Variants in FBXL5 observed in about 807,000 individuals in gnomAD.
FBXL5 encodes the protein F-box/LRR-repeat protein 5.
Under a neutral mutation model 78.3 loss-of-function variants are expected in FBXL5, and 26 were observed. The ratio of observed to expected loss-of-function variants is 0.33; its 90% CI spans 0.24 to 0.46. The LOEUF (loss-of-function observed/expected upper bound fraction) is 0.46, where lower values mean the gene tolerates loss of function less well. FBXL5 is among the 20% of genes least tolerant of loss of function. The probability of loss-of-function intolerance (pLI) is 1.00; values close to 1 mark genes in which losing one functional copy is unlikely to be tolerated. For synonymous variants in FBXL5, 295 were observed against 282.5 expected, an observed-to-expected ratio of 1.04 and a Z score of -0.45; for missense variants, 710 against 829.2, an observed-to-expected ratio of 0.86 and a Z score of 1.77.
chr4:15,629,913 ATG>A, intron 6 of FBXL5, among the ~76,000 whole-genome samples: 1 of 152,274 alleles, frequency 6.6e-6, no homozygotes, highest in Non-Finnish European at 1.5e-5. Flanking sequence ...AACTAGAAGA[ATG>A]TCTCATCTGT....
intron 8 of FBXL5, 53 bp downstream of exon 8, chr4:15,626,819 TG>T: frequency 7.8e-7 from 1 of 1,287,938 alleles, no homozygotes; most frequent in Non-Finnish European, 1.1e-6. Flanking sequence ...ATTACATAAA[TG>T]AAACCTTATA....
rs544052873 is a variant in FBXL5, at chr4:15,634,185, A to AT, written c.766+2308dup. ...AATAAATAAAAACCGATTTCTATTG[A>AT]TTTTTTTTTTCTTTTTAAGACAGAG... On this transcript the variant is annotated intron_variant, in intron 5 of 10. Coordinates refer to ENST00000341285, the MANE Select transcript of FBXL5 (RefSeq NM_012161.4). Among the ~76,000 whole-genome samples the AT allele has an allele frequency of 3.0e-3, 446 of 150,358 alleles. 2 individuals are homozygous for AT. Among genetic ancestry groups the AT allele is most frequent in the Non-Finnish European group, 4.7e-3 (320 of 67,392 alleles).
At chr4:15,650,314 G>C (rs924171365) in intron 1 of FBXL5, among the ~76,000 whole-genome samples, 1 of 152,172 alleles carries the variant, frequency 6.6e-6, no homozygotes, top group African/African-American at 2.4e-5. Flanking sequence ...ATGAAATATA[G>C]TGCAATCCAG....
At chr4:15,680,654 C>A (rs1188688445) in intron 1 of FBXL5, among the ~76,000 whole-genome samples, 2 of 151,132 alleles carry the variant, frequency 1.3e-5, no homozygotes, top group Non-Finnish European at 2.9e-5. Context: ...CCAGCCTGGG[C>A]GAGAGAGTGA....
At chr4:15,665,868 G>A (rs1362656210) in intron 1 of FBXL5, among the ~76,000 whole-genome samples, 1 of 152,120 alleles carries the variant, frequency 6.6e-6, no homozygotes, top group Non-Finnish European at 1.5e-5. Context: ...ACCTGCACCT[G>A]TTCTGACACC....
At chr4:15,670,985 G>A (rs1468702815) in intron 1 of FBXL5, among the ~76,000 whole-genome samples, 2 of 139,810 alleles carry the variant, frequency 1.4e-5, no homozygotes, top group African/African-American at 5.4e-5. Context: ...ATGCAGTGGC[G>A]TGATCTCGGC....
intron 1 of FBXL5, among the ~76,000 whole-genome samples, chr4:15,645,734 C>G (rs537677451): frequency 6.6e-6 from 1 of 152,210 alleles, no homozygotes; most frequent in East Asian, 1.9e-4. Flanking sequence ...GCCTACTTTT[C>G]TTTCTTAATG....
intron 2 of FBXL5, among the ~76,000 whole-genome samples, chr4:15,643,366 C>T (rs1014994547): frequency 7.2e-5 from 11 of 152,216 alleles, no homozygotes; most frequent in Non-Finnish European, 1.3e-4. Flanking sequence ...TAAGCTTACG[C>T]TTCACCAAGC....
At chr4:15,605,871 G>T in intron 10 of FBXL5, 72 bp from the exon 11 acceptor site, 1 of 1,166,008 alleles carries the variant, frequency 8.6e-7, no homozygotes, top group Non-Finnish European at 1.3e-6. Flanking sequence ...TGCTTATGAA[G>T]GAGTTAAACA....
chr4:15,639,850 A>C (rs73241120), intron 3 of FBXL5, among the ~76,000 whole-genome samples: 13,901 of 152,196 alleles, frequency 0.091, 781 homozygotes, highest in Non-Finnish European at 0.12. Context: ...TTATAAGGTG[A>C]AGCTATAGTT....
At chr4:15,652,013 T>A (rs1392843307) in intron 1 of FBXL5, among the ~76,000 whole-genome samples, 1 of 152,182 alleles carries the variant, frequency 6.6e-6, no homozygotes, top group Non-Finnish European at 1.5e-5. Context: ...TACTGGACTG[T>A]AAACTTTTTG....
chr4:15,655,270 T>C lies in FBXL5; in HGVS notation c.18A>G (p.Glu6=), dbSNP rs1346122682. 7.0e-7 allele frequency: 1 copy of C among 1,433,470 alleles called. No homozygotes were observed. The highest frequency in any genetic ancestry group is 9.3e-7 in the Non-Finnish European group (1 of 1,073,376). The allele number at this position is 1,433,470 out of a possible 1,614,324, so 88.8% of individuals were successfully genotyped here. A position where few individuals can be genotyped will look rare whatever the true frequency, so the allele number is the denominator to read the frequency against. Residue 6 remains glutamate, a synonymous_variant, in exon 1 of 11, where the codon GAA becomes GAG. Coordinates refer to ENST00000341285, the MANE Select transcript of FBXL5 (RefSeq NM_012161.4). MAPFP[E]EVDVFTAPHW... ...GTGGGGCGGTGAAGACGTCCACTTC[T>C]TCAGGAAAGGGCGCCATCGCCACTG...
intron 1 of FBXL5, among the ~76,000 whole-genome samples, chr4:15,670,847 C>A (rs943395263): frequency 4.0e-5 from 6 of 150,812 alleles, no homozygotes; most frequent in Admixed American, 2.0e-4. Context: ...ACTGATGAAT[C>A]CTTTCAGTTG....
At chr4:15,625,150 T>A in intron 9 of FBXL5, 102 bp downstream of exon 9, 1 of 1,336,000 alleles carries the variant, frequency 7.5e-7, no homozygotes, top group Non-Finnish European at 1.0e-6. Context: ...TCCTTTTTGC[T>A]AAGTAAATCA....
intron 1 of FBXL5, among the ~76,000 whole-genome samples, chr4:15,676,702 G>C (rs558533228): frequency 9.9e-5 from 15 of 151,912 alleles, no homozygotes; most frequent in African/African-American, 3.4e-4. Flanking sequence ...CGGGGGGGAG[G>C]GGGAGGACTT....
chr4:15,661,898 G>C (rs1717328609), upstream of FBXL5, among the ~76,000 whole-genome samples: 1 of 152,206 alleles, frequency 6.6e-6, no homozygotes, highest in African/African-American at 2.4e-5. Flanking sequence ...GGTGGCTGTT[G>C]AGAGGCCTCA....
At chr4:15,614,929 G>A (rs1711625189) in intron 9 of FBXL5, among the ~76,000 whole-genome samples, 1 of 152,146 alleles carries the variant, frequency 6.6e-6, no homozygotes. Flanking sequence ...GGCGCAAGTG[G>A]GAACCGGGGC....
At chr4:15,679,437 C>G (rs568325107) in intron 1 of FBXL5, among the ~76,000 whole-genome samples, 82 of 152,068 alleles carry the variant, frequency 5.4e-4, no homozygotes, top group African/African-American at 2.0e-3. Flanking sequence ...TTACCCAAGT[C>G]TCTTGTTTTT....
chr4:15,613,561 A>C (rs1222219486), intron 9 of FBXL5, among the ~76,000 whole-genome samples: 1 of 151,912 alleles, frequency 6.6e-6, no homozygotes, highest in Non-Finnish European at 1.5e-5. Flanking sequence ...GGGAACACCA[A>C]TTATTCTTAG....
Sources: allele counts gnomAD v4.1 joint callset (sites outside exome capture counted in the v4.1 genomes callset), GRCh38; gene constraint gnomAD v4.1.1; transcripts MANE v1.5; gene names NCBI Gene and HGNC (gene_info 2026-07-23, HGNC 2026-07-21).